ST18: variants seen among roughly 807,000 people sequenced by gnomAD.
ST18 encodes ST18 C2H2C-type zinc finger transcription factor, also known as suppression of tumorigenicity 18 protein.
A neutral mutation model predicts 110.0 loss-of-function variants in ST18; 50 were observed. That is an observed-to-expected ratio of 0.45 (90% confidence interval 0.36 to 0.58). The LOEUF is 0.58. ST18 is among the 20% of genes least tolerant of loss of function. The pLI, the probability that ST18 is intolerant of heterozygous loss-of-function variation, is 0.00. For missense variants in ST18, 1,306 were observed against 1,280.1 expected, an observed-to-expected ratio of 1.02 and a Z score of -0.31; for synonymous variants, 461 against 452.4, an observed-to-expected ratio of 1.02 and a Z score of -0.24.
At chr8:52,268,477 AT>A (rs2094949115) in intron 2 of ST18, among the ~76,000 whole-genome samples, 7 of 91,984 alleles carry the variant, frequency 7.6e-5, no homozygotes, top group Non-Finnish European at 1.5e-4. Flanking sequence ...TCATCTATCT[AT>A]CTATCTATCT....
intron 8 of ST18, among the ~76,000 whole-genome samples, chr8:52,189,474 T>C (rs747338955): frequency 7.9e-5 from 12 of 152,186 alleles, no homozygotes; most frequent in Non-Finnish European, 1.6e-4. Context: ...ATACCTTCCA[T>C]AGGCCAGGAA....
At chr8:52,242,888 G>A (rs1212095428) in intron 2 of ST18, among the ~76,000 whole-genome samples, 3 of 148,870 alleles carry the variant, frequency 2.0e-5, no homozygotes, top group African/African-American at 7.5e-5. Flanking sequence ...AAAAAAAAAT[G>A]TACTTAGAAG....
At chr8:52,176,313 C>T (rs555544309) in intron 9 of ST18, among the ~76,000 whole-genome samples, 28 of 152,230 alleles carry the variant, frequency 1.8e-4, no homozygotes, top group African/African-American at 4.8e-4. Flanking sequence ...TGAGCCACCG[C>T]GCCTGGCCAA....
chr8:52,145,606 T>A (rs1012052087), intron 16 of ST18, among the ~76,000 whole-genome samples: 1 of 152,194 alleles, frequency 6.6e-6, no homozygotes, highest in Non-Finnish European at 1.5e-5. Flanking sequence ...TTTGTAAAAA[T>A]CTTTTTCCAA....
At position 52,214,277 on chromosome 8, in the gene ST18, T is replaced by C; in HGVS notation, c.1-20A>G. On this transcript the variant is annotated intron_variant, in intron 6 of 25. Coordinates refer to ENST00000689386, the MANE Select transcript of ST18 (RefSeq NM_001352837.2). ...ATCCATCTATAACATGAACACAAAGTCCTGAGGTCATTCCTTTGACATTGA... is the reference window on the plus strand; with the variant it reads ...ATCCATCTATAACATGAACACAAAGCCCTGAGGTCATTCCTTTGACATTGA... The C allele has an allele frequency of 6.2e-7, 1 of 1,613,302 alleles. No homozygotes were observed. Among genetic ancestry groups the C allele is most frequent in the South Asian group, 1.1e-5 (1 of 91,020 alleles).
intron 2 of ST18, among the ~76,000 whole-genome samples, chr8:52,402,540 T>C (rs2141113009): frequency 6.6e-6 from 1 of 152,138 alleles, no homozygotes; most frequent in East Asian, 1.9e-4. Flanking sequence ...AGACGCTCAG[T>C]CCCCAGAGAG....
chr8:52,394,257 T>C (rs10103669), intron 2 of ST18, among the ~76,000 whole-genome samples: 149,691 of 152,308 alleles, frequency 0.98, 73,593 homozygotes, highest in East Asian at 1. Context: ...CATGTTTTTC[T>C]TTTGTGGGTG....
At chr8:52,150,556 G>T (rs2058560212) in intron 15 of ST18, among the ~76,000 whole-genome samples, 1 of 152,204 alleles carries the variant, frequency 6.6e-6, no homozygotes. Flanking sequence ...AGCCGGAAAT[G>T]CTTTGCTAAA....
chr8:52,196,624 C>T (rs1469898434), intron 8 of ST18, among the ~76,000 whole-genome samples: 1 of 152,016 alleles, frequency 6.6e-6, no homozygotes, highest in Admixed American at 6.6e-5. Flanking sequence ...TTTATTGCAG[C>T]GTATTTTTAT....
At chr8:52,144,709 G>T (rs771732384) in intron 16 of ST18, among the ~76,000 whole-genome samples, 3 of 152,066 alleles carry the variant, frequency 2.0e-5, no homozygotes, top group Admixed American at 1.3e-4. Flanking sequence ...AAAAAGACAG[G>T]ATTTTAAAAT....
rs1554586232 is a variant in ST18, at chr8:52,130,167, A to AAAG, written c.2666+1790_2666+1791insCTT. ...AGAAAGAAAGAAAGAAAGAAAGAAA[A>AAAG]AGAAAAGAAAATAGTACCTTGGCAT... On this transcript the variant is annotated intron_variant, in intron 22 of 25. Transcript: ENST00000689386. Among the ~76,000 whole-genome samples the AAAG allele has an allele frequency of 4.1e-3, 369 of 90,034 alleles. 3 individuals carry two copies. Among genetic ancestry groups the AAAG allele is most frequent in the African/African-American group, 9.8e-3 (266 of 27,096 alleles). The allele number at this position is 90,034 out of a possible 152,430, so 59.1% of individuals were successfully genotyped here.
At chr8:52,385,832 G>A (rs531506552) in intron 2 of ST18, among the ~76,000 whole-genome samples, 2 of 152,292 alleles carry the variant, frequency 1.3e-5, no homozygotes, top group Non-Finnish European at 1.5e-5. Flanking sequence ...TGATGGAATT[G>A]CAGTAGAGTC....
At chr8:52,328,470 G>A (rs1807535660) in intron 2 of ST18, among the ~76,000 whole-genome samples, 1 of 152,138 alleles carries the variant, frequency 6.6e-6, no homozygotes, top group Non-Finnish European at 1.5e-5. Context: ...GACTGTTATT[G>A]AGAAATGAAA....
chr8:52,383,462 T>C (rs1408812010), intron 2 of ST18, among the ~76,000 whole-genome samples: 1 of 152,196 alleles, frequency 6.6e-6, no homozygotes, highest in Non-Finnish European at 1.5e-5. Flanking sequence ...TATATATTTA[T>C]TTTTCAGATG....
chr8:52,401,705 A>T (rs911071076), intron 2 of ST18, among the ~76,000 whole-genome samples: 1 of 151,956 alleles, frequency 6.6e-6, no homozygotes, highest in Non-Finnish European at 1.5e-5. Context: ...CAGATCATGA[A>T]TTGTTTTCCT....
chr8:52,182,859 T>G lies in ST18; in HGVS notation c.87-2547A>C, dbSNP rs562174089. Among the ~76,000 whole-genome samples, 21 of 152,182 alleles carry G rather than the reference T, an allele frequency of 1.4e-4. No homozygotes were observed. In the South Asian group the frequency reaches 4.2e-3, roughly 30 times the overall value. ...TTTGGCATCAGGAAGCATTGATCAA[T>G]GAGACCTCAGGTGGCAGGGATGGTT... On this transcript the variant is annotated intron_variant, in intron 8 of 25. Coordinates refer to ENST00000689386, the MANE Select transcript of ST18 (RefSeq NM_001352837.2).
At chr8:52,258,674 A>G (rs1251844899) in intron 2 of ST18, among the ~76,000 whole-genome samples, 3 of 152,132 alleles carry the variant, frequency 2.0e-5, no homozygotes, top group Non-Finnish European at 4.4e-5. Context: ...TCATCTGCAA[A>G]TGGAAATACT....
At chr8:52,202,051 G>A (rs1343152928) in intron 8 of ST18, among the ~76,000 whole-genome samples, 2 of 152,140 alleles carry the variant, frequency 1.3e-5, no homozygotes, top group Admixed American at 6.5e-5. Context: ...AAACAGCCTT[G>A]GTTTTAAAGG....
At chr8:52,347,083 T>C (rs982199352) in intron 2 of ST18, among the ~76,000 whole-genome samples, 3 of 152,354 alleles carry the variant, frequency 2.0e-5, no homozygotes, top group East Asian at 1.9e-4. Context: ...AGTCAGAGCA[T>C]TGGGCACAGG....
Sources: gnomAD v4.1 joint callset for allele counts (sites outside exome capture counted in the v4.1 genomes callset) on GRCh38, gnomAD v4.1.1 for gene constraint, MANE v1.5 for transcripts, NCBI Gene and HGNC (gene_info 2026-07-23, HGNC 2026-07-21) for gene names.